Variants in ESR2 observed in about 807,000 individuals in gnomAD.
ESR2 encodes the protein estrogen receptor beta.
ESR2 carries 36 observed loss-of-function variants against 49.6 expected under a neutral mutation model. The ratio of observed to expected loss-of-function variants is 0.73; its 90% CI spans 0.56 to 0.96. The LOEUF (loss-of-function observed/expected upper bound fraction) is 0.96. Among genes scored for constraint, ESR2 ranks in the 40% least tolerant of loss-of-function variants. ESR2 has a pLI of 0.00. For missense variants in ESR2, 714 were observed against 693.0 expected, an observed-to-expected ratio of 1.03 and a Z score of -0.34; for synonymous variants, 320 against 266.1, an observed-to-expected ratio of 1.20 and a Z score of -1.97.
intron 5 of ESR2, among the ~76,000 whole-genome samples, chr14:64,259,597 A>G (rs1278449416): frequency 6.6e-6 from 1 of 152,198 alleles, no homozygotes; most frequent in Non-Finnish European, 1.5e-5. Context: ...CTTCAGATAT[A>G]TATTACAAAT....
intron 1 of ESR2, among the ~76,000 whole-genome samples, chr14:64,328,040 T>C (rs2140903162): frequency 8.0e-6 from 1 of 125,454 alleles, no homozygotes; most frequent in African/African-American, 3.3e-5. Flanking sequence ...AACCTGTCTC[T>C]ACTAAAAATA....
intron 4 of ESR2, among the ~76,000 whole-genome samples, chr14:64,268,420 C>T (rs2076374998): frequency 6.6e-6 from 1 of 152,172 alleles, no homozygotes; most frequent in South Asian, 2.1e-4. Flanking sequence ...TGGACATTTA[C>T]CACGACTTCA....
At chr14:64,236,794 C>T (rs2140626483) in intron 7 of ESR2, among the ~76,000 whole-genome samples, 1 of 152,182 alleles carries the variant, frequency 6.6e-6, no homozygotes, top group African/African-American at 2.4e-5. Flanking sequence ...CACCCTAAGT[C>T]TGGTCTGAGG....
intron 1 of ESR2, among the ~76,000 whole-genome samples, chr14:64,307,749 T>A (rs747012639): frequency 3.3e-5 from 5 of 151,940 alleles, no homozygotes; most frequent in Non-Finnish European, 7.4e-5. Context: ...GTTAGCCAGG[T>A]TGGTCTCACC....
At chr14:64,324,314 T>C (rs1187281704) in intron 1 of ESR2, among the ~76,000 whole-genome samples, 3 of 152,184 alleles carry the variant, frequency 2.0e-5, no homozygotes, top group Non-Finnish European at 2.9e-5. Flanking sequence ...ACTGAAGATA[T>C]GGGAAAGGGC....
intron 3 of ESR2, among the ~76,000 whole-genome samples, chr14:64,273,006 A>AT (rs1021351281): frequency 3.7e-5 from 3 of 81,406 alleles, no homozygotes; most frequent in Non-Finnish European, 6.5e-5. Context: ...ATATCTTTCC[A>AT]TTTTTTTTGT....
chr14:64,338,162 T>C (rs1596509884), upstream of ESR2: 1 of 154,654 alleles, frequency 6.5e-6, no homozygotes, highest in Non-Finnish European at 1.5e-5. Flanking sequence ...TGCTGGGGGG[T>C]GGGGACGTGC....
chr14:64,280,684 A>T (rs992426537), intron 2 of ESR2, among the ~76,000 whole-genome samples: 4 of 152,076 alleles, frequency 2.6e-5, no homozygotes, highest in African/African-American at 9.7e-5. Flanking sequence ...AACATCTCAC[A>T]CTCTGCAATT....
intron 3 of ESR2, among the ~76,000 whole-genome samples, chr14:64,272,096 T>C (rs2076459758): frequency 6.6e-6 from 1 of 152,178 alleles, no homozygotes; most frequent in Admixed American, 6.5e-5. Context: ...TATAAGCTAC[T>C]TTGGGGTAAG....
intron 3 of ESR2, among the ~76,000 whole-genome samples, chr14:64,269,824 G>A (rs1193676994): frequency 6.6e-6 from 1 of 152,138 alleles, no homozygotes. Flanking sequence ...ATTCTCTTAT[G>A]CAAGGAAGAG....
intron 1 of ESR2, among the ~76,000 whole-genome samples, chr14:64,289,480 C>T (rs933832240): frequency 6.6e-5 from 10 of 151,588 alleles, no homozygotes; most frequent in African/African-American, 2.4e-4. Context: ...CCATTACACT[C>T]CAGCCTGGGC....
chr14:64,300,949 A>G (rs953425737), intron 1 of ESR2, among the ~76,000 whole-genome samples: 3 of 152,124 alleles, frequency 2.0e-5, no homozygotes, highest in African/African-American at 7.2e-5. Context: ...GGAGGAGGCT[A>G]TAACTACCAT....
intron 1 of ESR2, among the ~76,000 whole-genome samples, chr14:64,290,497 G>A (rs2076854455): frequency 6.6e-6 from 1 of 152,154 alleles, no homozygotes; most frequent in African/African-American, 2.4e-5. Context: ...CGGCCTCCCA[G>A]GTTCAAGCAA....
chr14:64,331,722 G>A (rs1205522769), intron 1 of ESR2, among the ~76,000 whole-genome samples: 1 of 150,916 alleles, frequency 6.6e-6, no homozygotes, highest in Non-Finnish European at 1.5e-5. Flanking sequence ...TACTAAAGAG[G>A]CTAAGGCAAG....
At position 64,283,005 on chromosome 14, in the gene ESR2, G is replaced by A. The variant is rs2076712969; in HGVS notation, c.-20C>T. The A allele has an allele frequency of 2.5e-6, 4 of 1,595,186 alleles. No individual in the cohort carries two copies. The highest frequency in any genetic ancestry group is 3.4e-6 in the Non-Finnish European group (4 of 1,169,750). On this transcript the variant is annotated 5_prime_UTR_variant, in exon 2 of 9. Transcript: ENST00000341099. ...ATCCATGTCTTGAGATAACAGCTGA[G>A]AAAACACCTTGCAAGAAGAGGCACA...
chr14:64,236,921 A>C (rs766962693), intron 7 of ESR2, among the ~76,000 whole-genome samples: 1 of 150,768 alleles, frequency 6.6e-6, no homozygotes, highest in Non-Finnish European at 1.5e-5. Flanking sequence ...TTCTGCCCTC[A>C]GCAAGACTGG....
rs1006318273 is a variant in ESR2, at chr14:64,319,033, A to T, written c.-91+18865T>A. Among the ~76,000 whole-genome samples, 3 of 152,146 alleles carry T rather than the reference A, an allele frequency of 2.0e-5. No homozygotes were observed. The East Asian group carries it at 5.8e-4, about 29-fold the overall frequency. The stretch of plus-strand genomic sequence containing the variant: ...TCCAGCCCTCCAGCCCTGGTGAAAG[A>T]GAGAGACCCAGTCTCAAAAAAAAAA... On this transcript the variant is annotated intron_variant, in intron 1 of 8. Transcript: ENST00000358599.
chr14:64,242,375 C>T (rs995197465), intron 7 of ESR2, among the ~76,000 whole-genome samples: 7 of 149,000 alleles, frequency 4.7e-5, no homozygotes, highest in African/African-American at 7.5e-5. Flanking sequence ...CACCAATGCA[C>T]TCCAGCCTGG....
At chr14:64,253,411 G>A (rs1311503293) in intron 6 of ESR2, among the ~76,000 whole-genome samples, 1 of 151,806 alleles carries the variant, frequency 6.6e-6, no homozygotes, top group African/African-American at 2.4e-5. Flanking sequence ...GGCTTGTCTC[G>A]AACTCCTGAC....
Sources: allele counts gnomAD v4.1 joint callset (sites outside exome capture counted in the v4.1 genomes callset), GRCh38; gene constraint gnomAD v4.1.1; transcripts MANE v1.5; gene names NCBI Gene and HGNC (gene_info 2026-07-23, HGNC 2026-07-21).